USP25: variants seen among roughly 807,000 people sequenced by gnomAD.
The protein encoded by USP25 is ubiquitin specific peptidase 25, also known as ubiquitin carboxyl-terminal hydrolase 25.
USP25 carries 85 observed loss-of-function variants against 158.5 expected under a neutral mutation model. The observed-to-expected ratio is 0.54, with a 90% CI of 0.45 to 0.64. The LOEUF (loss-of-function observed/expected upper bound fraction) is 0.64, where lower values mean the gene tolerates loss of function less well. Ranked by LOEUF, USP25 falls within the 30% of genes least tolerant of loss-of-function variation. The pLI is 0.00. For synonymous variants in USP25, 464 were observed against 460.4 expected (o/e 1.01, Z -0.10); for missense variants, 1,242 against 1,327.3 (o/e 0.94, Z 1.00).
At chr21:15,832,406 C>T (rs1293941638) in intron 16 of USP25, among the ~76,000 whole-genome samples, 1 of 152,060 alleles carries the variant, frequency 6.6e-6, no homozygotes, top group Non-Finnish European at 1.5e-5. Context: ...TATATTTAGT[C>T]ATTCAGAATC....
At chr21:15,870,211 A>T in intron 23 of USP25, 64 bp downstream of exon 23, 1 of 1,090,626 alleles carries the variant, frequency 9.2e-7, no homozygotes, top group East Asian at 2.5e-5. Context: ...TTCAGGTGTG[A>T]CCTCATCCAT....
intron 22 of USP25, 76 bp downstream of exon 22, chr21:15,866,420 C>T: frequency 2.7e-6 from 3 of 1,117,432 alleles, no homozygotes; most frequent in Non-Finnish European, 3.7e-6. Flanking sequence ...CGTTTCAGCC[C>T]AACTGAAGTT....
At chr21:15,842,583 C>T (rs371784732) in intron 18 of USP25, 43 bp downstream of exon 18, 85 of 1,603,890 alleles carry the variant, frequency 5.3e-5, no homozygotes, top group East Asian at 1.8e-4. Context: ...GCCATGGTCA[C>T]GACATTTCCT....
At chr21:15,790,235 C>G (rs934031884) in intron 4 of USP25, among the ~76,000 whole-genome samples, 1 of 151,910 alleles carries the variant, frequency 6.6e-6, no homozygotes, top group African/African-American at 2.4e-5. Flanking sequence ...GGTTTTTGGG[C>G]AGAGAGTAGT....
Position 15,730,179 on chromosome 21 carries a change from G to T in USP25, c.-215G>T. 1 of 276,556 alleles carries T rather than the reference G, an allele frequency of 3.6e-6. No individual in the cohort carries two copies. The highest frequency in any genetic ancestry group is 5.5e-6 in the Non-Finnish European group (1 of 182,600). The allele number at this position is 276,556 out of a possible 1,614,324, so 17.1% of individuals were successfully genotyped here. ...GGCGGGCCGCGTGGAGACGTGAGGCGGCCGCCGTGGCCCTCACAGTCGGCG... is the reference window on the plus strand; with the variant it reads ...GGCGGGCCGCGTGGAGACGTGAGGCTGCCGCCGTGGCCCTCACAGTCGGCG... On this transcript the variant is annotated 5_prime_UTR_variant, in exon 1 of 26. Transcript: ENST00000400183.
At chr21:15,749,468 A>G (rs556141274) in intron 1 of USP25, among the ~76,000 whole-genome samples, 1 of 152,344 alleles carries the variant, frequency 6.6e-6, no homozygotes, top group Non-Finnish European at 1.5e-5. Flanking sequence ...AAGTATGTGT[A>G]TTGAAAATAA....
Position 15,791,514 on chromosome 21 carries a change from C to G in USP25, c.405C>G (p.Ala135=), listed in dbSNP as rs1352414008. ...ACCATTGATTAAGAGTTCTTGAAGC[C>G]AGCATAGCAGAGAATAAAGCATGTT... ...EEQAISRVLE[A]SIAENKACLK... is the part of the protein sequence containing the mutation. The change falls in exon 5 of 26, where the codon GCC becomes GCG. Residue 135 remains alanine, a synonymous_variant. Coordinates refer to ENST00000400183, the MANE Select transcript of USP25 (RefSeq NM_001283041.3). The G allele has an allele frequency of 6.2e-7, 1 of 1,603,944 alleles. No individual in the cohort carries two copies. The highest frequency in any genetic ancestry group is 1.3e-5 in the African/African-American group (1 of 74,402).
chr21:15,826,436 A>G lies in USP25; in HGVS notation c.1466+71A>G, dbSNP rs1388529524. 6 of 1,538,954 alleles carry G rather than the reference A, an allele frequency of 3.9e-6. No homozygotes were observed. The Admixed American group carries it at 1.1e-4, about 27-fold the overall frequency. Reference sequence around the variant, plus strand: ...ACAATAATGTAACTGCTGCCTTTAAAGACAGTTTCTATAAAATGTATGCTT... The same window carrying G: ...ACAATAATGTAACTGCTGCCTTTAAGGACAGTTTCTATAAAATGTATGCTT... On this transcript the variant is annotated intron_variant, in intron 13 of 25. Transcript: ENST00000400183. This position sits in a 1 kb window ranked among gnomAD's most constrained non-coding sequence, Gnocchi z 4.8.
chr21:15,859,992 T>G (rs1158474767), intron 20 of USP25, among the ~76,000 whole-genome samples: 1 of 84,842 alleles, frequency 1.2e-5, no homozygotes, highest in Non-Finnish European at 2.1e-5. Flanking sequence ...TATATCTATA[T>G]TTTTTTTTTT....
intron 6 of USP25, 95 bp from the exon 7 acceptor site, chr21:15,805,026 T>C: frequency 7.6e-7 from 1 of 1,310,612 alleles, no homozygotes; most frequent in East Asian, 2.7e-5. Context: ...TTGGCTAGTT[T>C]AATTTTTGGT....
chr21:15,817,984 A>G (rs1370769470), intron 9 of USP25, among the ~76,000 whole-genome samples: 3 of 152,146 alleles, frequency 2.0e-5, no homozygotes, highest in Non-Finnish European at 4.4e-5. Context: ...CTGACTTTTC[A>G]TTGTAATCTC....
chr21:15,789,713 T>C (rs1353881888), intron 4 of USP25, among the ~76,000 whole-genome samples: 1 of 152,102 alleles, frequency 6.6e-6, no homozygotes, highest in Non-Finnish European at 1.5e-5. Flanking sequence ...ACTTATTCCA[T>C]GTTTTAGTCT....
intron 4 of USP25, among the ~76,000 whole-genome samples, chr21:15,778,843 A>G (rs2034802542): frequency 6.6e-6 from 1 of 152,126 alleles, no homozygotes; most frequent in African/African-American, 2.4e-5. Context: ...TACTTGCAAG[A>G]GGTTAAATGT....
chr21:15,746,639 A>G (rs913681295), intron 1 of USP25, among the ~76,000 whole-genome samples: 10 of 151,988 alleles, frequency 6.6e-5, no homozygotes, highest in African/African-American at 2.2e-4. Flanking sequence ...AGCATGATCC[A>G]CCAGCCTCGG....
intron 4 of USP25, among the ~76,000 whole-genome samples, chr21:15,788,594 C>G (rs755849090): frequency 6.6e-6 from 1 of 151,858 alleles, no homozygotes; most frequent in Non-Finnish European, 1.5e-5. Context: ...CTTTAGGAAC[C>G]AAGAGGAGAT....
intron 20 of USP25, among the ~76,000 whole-genome samples, chr21:15,862,802 C>T (rs1357877783): frequency 6.7e-6 from 1 of 148,334 alleles, no homozygotes; most frequent in Non-Finnish European, 1.5e-5. Context: ...ATAATTTGTT[C>T]TCTTATTCTA....
intron 5 of USP25, among the ~76,000 whole-genome samples, chr21:15,794,711 G>C (rs142236971): frequency 3.2e-4 from 48 of 151,502 alleles, no homozygotes; most frequent in Non-Finnish European, 6.5e-4. Flanking sequence ...TGTGTATGAT[G>C]GTAAAGTATG....
intron 1 of USP25, chr21:15,745,156 G>A (rs979670574): frequency 1.3e-5 from 2 of 152,238 alleles, no homozygotes; most frequent in Non-Finnish European, 2.9e-5. Context: ...GGCAGGCAGG[G>A]GATGTTGCAG....
In USP25 at chr21:15,740,641, G is replaced by GTTTTTTTTTTTT. The variant is rs60616271; in HGVS notation, c.45+10225_45+10236dup. On this transcript the variant is annotated intron_variant, in intron 1 of 25. Transcript: ENST00000400183. Reference sequence around the variant, plus strand: ...GTAATCTTCCTGTTTCTTTCTGGCTGTTTTTTTTTTTTTTTTTTTTTTTTT... The same window carrying GTTTTTTTTTTTT: ...GTAATCTTCCTGTTTCTTTCTGGCTGTTTTTTTTTTTTTTTTTTTTTTTTTTTTTTTTTTTTT... Among the ~76,000 whole-genome samples the GTTTTTTTTTTTT allele has an allele frequency of 6.3e-4, 26 of 41,300 alleles. 1 individual carries two copies. The highest frequency in any genetic ancestry group is 1.6e-3 in the Non-Finnish European group (22 of 13,452). 27.1% of individuals were successfully genotyped at this position (41,300 alleles called of 152,430 possible).
Sources: allele counts gnomAD v4.1 joint callset (sites outside exome capture counted in the v4.1 genomes callset), GRCh38; gene constraint gnomAD v4.1.1; non-coding constraint Gnocchi (gnomAD v3.1); transcripts MANE v1.5; gene names NCBI Gene and HGNC (gene_info 2026-07-23, HGNC 2026-07-21).